Variants in ATP9B observed in about 807,000 individuals in gnomAD.
ATP9B encodes the protein probable phospholipid-transporting ATPase IIB.
ATP9B carries 110 observed loss-of-function variants against 146.1 expected under a neutral mutation model. The observed-to-expected ratio is 0.75, with a 90% CI of 0.65 to 0.88. ATP9B has a LOEUF of 0.88. Among genes scored for constraint, ATP9B ranks in the 40% least tolerant of loss-of-function variants. The probability of loss-of-function intolerance (pLI) is 0.00; values close to 1 mark genes in which losing one functional copy is unlikely to be tolerated. For synonymous variants in ATP9B, 604 were observed against 569.7 expected, an observed-to-expected ratio of 1.06 and a Z score of -0.86; for missense variants, 1,499 against 1,496.4, an observed-to-expected ratio of 1.00 and a Z score of -0.03.
At chr18:79,292,229 G>A (rs1456622992) in intron 13 of ATP9B, among the ~76,000 whole-genome samples, 1 of 152,190 alleles carries the variant, frequency 6.6e-6, no homozygotes, top group Non-Finnish European at 1.5e-5. Context: ...TTAGGCAAGA[G>A]CAAGAAGGTG....
intron 7 of ATP9B, among the ~76,000 whole-genome samples, chr18:79,158,942 T>C (rs1407427767): frequency 6.6e-6 from 1 of 152,226 alleles, no homozygotes; most frequent in Non-Finnish European, 1.5e-5. Flanking sequence ...TTTGTCACTA[T>C]TTCTCTGTTT....
intron 5 of ATP9B, among the ~76,000 whole-genome samples, chr18:79,139,615 G>A (rs1045264201): frequency 6.6e-6 from 1 of 152,162 alleles, no homozygotes; most frequent in Admixed American, 6.5e-5. Flanking sequence ...CATTCAATGG[G>A]TAATAATCAC....
chr18:79,207,471 G>A (rs1458673905), intron 10 of ATP9B, among the ~76,000 whole-genome samples: 4 of 152,186 alleles, frequency 2.6e-5, no homozygotes, highest in Non-Finnish European at 4.4e-5. Flanking sequence ...AGAGGTAGAC[G>A]ATGTCAGATG....
At position 79,256,257 on chromosome 18, in the gene ATP9B, CTATATATATATA is replaced by C. The variant is rs10531617; in HGVS notation, c.1268+2735_1268+2746del. 2.3e-4 allele frequency among the ~76,000 whole-genome samples: 23 copies of C among 100,372 alleles called. No individual in the cohort carries two copies. In the East Asian group the frequency reaches 3.1e-3, roughly 14 times the overall value. The allele number at this position is 100,372 out of a possible 152,430, so 65.8% of individuals were successfully genotyped here. A position where few individuals can be genotyped will look rare whatever the true frequency, so the allele number is the denominator to read the frequency against. On this transcript the variant is annotated intron_variant, in intron 12 of 29. Transcript: ENST00000426216. ...ATGCCATTTTGTGAATTCTAGCTAG[CTATATATATATA>C]TATATATATATATATATACATACAT...
At chr18:79,177,961 A>T (rs929593702) in intron 8 of ATP9B, among the ~76,000 whole-genome samples, 6 of 152,214 alleles carry the variant, frequency 3.9e-5, no homozygotes, top group Admixed American at 3.9e-4. Flanking sequence ...ATTACAACTT[A>T]ACATTTTTCC....
intron 11 of ATP9B, among the ~76,000 whole-genome samples, chr18:79,235,714 A>G (rs2095835672): frequency 1.3e-5 from 2 of 150,622 alleles, no homozygotes; most frequent in South Asian, 4.3e-4. Flanking sequence ...CATCTTATCT[A>G]GTGAAGTAGA....
chr18:79,126,001 G>T (rs1295954409), intron 4 of ATP9B, among the ~76,000 whole-genome samples: 1 of 152,046 alleles, frequency 6.6e-6, no homozygotes, highest in African/African-American at 2.4e-5. Context: ...TTTTCTTTGG[G>T]TTACTAGGTA....
intron 7 of ATP9B, chr18:79,173,637 T>A (rs966990349): frequency 2.2e-6 from 1 of 450,118 alleles, no homozygotes; most frequent in African/African-American, 2.0e-5. Flanking sequence ...TACTTGTATG[T>A]TGGGGGGACT....
chr18:79,302,207 T>G (rs1451259495), intron 13 of ATP9B, among the ~76,000 whole-genome samples: 2 of 152,232 alleles, frequency 1.3e-5, no homozygotes, highest in African/African-American at 4.8e-5. Context: ...CATACTCAGA[T>G]TTATAACGTC....
chr18:79,118,254 C>T (rs1369261071), intron 4 of ATP9B, among the ~76,000 whole-genome samples: 1 of 152,052 alleles, frequency 6.6e-6, no homozygotes, highest in Non-Finnish European at 1.5e-5. Flanking sequence ...AGGCTGTGTA[C>T]TTCCTAGAAG....
intron 1 of ATP9B, among the ~76,000 whole-genome samples, chr18:79,086,736 G>A (rs972289535): frequency 2.6e-5 from 4 of 152,030 alleles, no homozygotes; most frequent in Non-Finnish European, 5.9e-5. Flanking sequence ...TCAAGAAATT[G>A]GTGTTCAGTT....
At chr18:79,363,623 T>C (rs994132123) in intron 26 of ATP9B, 5 of 152,298 alleles carry the variant, frequency 3.3e-5, no homozygotes, top group African/African-American at 4.8e-5. Flanking sequence ...TAAACTGATG[T>C]TCCTGGATTG....
chr18:79,109,564 C>CT lies in ATP9B; in HGVS notation c.294-772dup, dbSNP rs34940699. Among the ~76,000 whole-genome samples the CT allele has an allele frequency of 7.5e-3, 976 of 129,864 alleles. 10 individuals are homozygous for CT. Among genetic ancestry groups the CT allele is most frequent in the Middle Eastern group, 0.025 (6 of 242 alleles). The allele number at this position is 129,864 out of a possible 152,430, so 85.2% of individuals were successfully genotyped here. A position where few individuals can be genotyped will look rare whatever the true frequency, so the allele number is the denominator to read the frequency against. On this transcript the variant is annotated intron_variant, in intron 2 of 29. Transcript: ENST00000426216. ...CTCTTTAAATATTGGATTGAGCTGT[C>CT]TTTTTTTTTTTTTTTTTTTAAGATG...
chr18:79,277,269 A>G, intron 13 of ATP9B, 73 bp downstream of exon 13: 2 of 1,554,798 alleles, frequency 1.3e-6, no homozygotes, highest in Non-Finnish European at 1.8e-6. Context: ...TAGCGTATAG[A>G]TATATGTTTA....
In ATP9B at chr18:79,342,325, C is replaced by T. The variant is rs1217213494; in HGVS notation, c.2341C>T (p.His781Tyr). The change falls in exon 20 of 30, where the codon CAT becomes TAT. Residue 781 changes from histidine (H) to tyrosine (Y), a missense_variant. By Grantham distance (83) the His-to-Tyr change is moderately conservative. Transcript: ENST00000426216. ...ETATCIAKSS[H>Y]LVSRTQDIHI... ...AGCTACCTGCATTGCCAAAAGTTCACATCTCGTGTCTAGAACACAAGATAT... is the reference window on the plus strand; with the variant it reads ...AGCTACCTGCATTGCCAAAAGTTCATATCTCGTGTCTAGAACACAAGATAT... 1.2e-6 allele frequency: 2 copies of T among 1,613,670 alleles called. No individual in the cohort carries two copies. Among genetic ancestry groups the T allele is most frequent in the Non-Finnish European group, 1.7e-6 (2 of 1,179,794 alleles).
intron 11 of ATP9B, among the ~76,000 whole-genome samples, chr18:79,233,245 T>C (rs1291360805): frequency 6.6e-6 from 1 of 151,818 alleles, no homozygotes; most frequent in Admixed American, 6.6e-5. Flanking sequence ...TGAGCCGAGA[T>C]CATGCCACTG....
intron 3 of ATP9B, among the ~76,000 whole-genome samples, chr18:79,112,744 TA>T (rs879557597): frequency 6.6e-4 from 97 of 146,386 alleles, no homozygotes; most frequent in African/African-American, 1.2e-3. Flanking sequence ...ATGTCCGTGT[TA>T]AAAAAAAAAA....
intron 25 of ATP9B, among the ~76,000 whole-genome samples, chr18:79,356,820 T>A (rs2096956693): frequency 2.2e-5 from 3 of 134,066 alleles, no homozygotes; most frequent in Non-Finnish European, 3.3e-5. Flanking sequence ...GGTCTGGAGG[T>A]GTCTGTGTGA....
chr18:79,103,213 T>C (rs1249970871), intron 2 of ATP9B, among the ~76,000 whole-genome samples: 3 of 151,984 alleles, frequency 2.0e-5, no homozygotes, highest in East Asian at 1.9e-4. Context: ...TAAGCAGATA[T>C]GGACTGTGGG....
Sources: gnomAD v4.1 joint callset for allele counts (sites outside exome capture counted in the v4.1 genomes callset) on GRCh38, gnomAD v4.1.1 for gene constraint, MANE v1.5 for transcripts, NCBI Gene and HGNC (gene_info 2026-07-23, HGNC 2026-07-21) for gene names.